Variants in ETV1 observed in about 807,000 individuals in gnomAD.
The protein encoded by ETV1 is ETS variant transcription factor 1, also known as ETS translocation variant 1.
ETV1 carries 27 observed loss-of-function variants against 62.3 expected under a neutral mutation model. The ratio of observed to expected loss-of-function variants is 0.43; its 90% CI spans 0.32 to 0.60. The LOEUF is 0.60. ETV1 is among the 20% of genes least tolerant of loss of function. The pLI is 0.06. For synonymous variants in ETV1, 222 were observed against 199.6 expected (o/e 1.11, Z -0.94); for missense variants, 605 against 605.8 (o/e 1.00, Z 0.01).
chr7:13,972,397 A>C (rs1168762734), intron 6 of ETV1, among the ~76,000 whole-genome samples: 1 of 152,186 alleles, frequency 6.6e-6, no homozygotes, highest in African/African-American at 2.4e-5. Flanking sequence ...ATGCCACTGC[A>C]CTCTAGCCAG....
chr7:13,971,106 G>C (rs1394986512), intron 6 of ETV1, among the ~76,000 whole-genome samples: 1 of 152,096 alleles, frequency 6.6e-6, no homozygotes, highest in East Asian at 1.9e-4. Context: ...TGAGTAGCTG[G>C]GATTACAGGC....
intron 5 of ETV1, among the ~76,000 whole-genome samples, chr7:13,978,328 G>A (rs947012333): frequency 6.6e-6 from 1 of 151,906 alleles, no homozygotes; most frequent in Non-Finnish European, 1.5e-5. Flanking sequence ...AGTTGATTTA[G>A]ACATCGAAGT....
intron 6 of ETV1, among the ~76,000 whole-genome samples, chr7:13,941,548 T>G (rs1056590645): frequency 3.0e-4 from 45 of 152,126 alleles, no homozygotes; most frequent in African/African-American, 1.1e-3. Context: ...ATTTTTTAAA[T>G]GTGAAAAGAA....
chr7:13,932,367 C>T (rs73276803), intron 8 of ETV1, among the ~76,000 whole-genome samples: 3,610 of 152,182 alleles, frequency 0.024, 111 homozygotes, highest in African/African-American at 0.077. Context: ...AAACCCAAGC[C>T]GGTTGTAAAA....
Position 13,895,873 on chromosome 7 carries a change from A to C in ETV1, c.1427T>G (p.Val476Gly), listed in dbSNP as rs1404339912. The change falls in exon 14 of 14, where the codon GTG (valine) becomes GGG (glycine). Residue 476 changes from valine (V) to glycine (G), a missense_variant. This residue lies in a region of ETV1 where 79 missense variants were observed against 71.6 expected (regional missense o/e 1.10). Transcript: ENST00000430479. ...GCTTGACTGTCACTTGTGTTAATAC[A>C]CGTAGCCTTCGTTGTAGGGGTGGGG... ...CNPHPYNEGYVY is the reference protein window; with the variant it reads ...CNPHPYNEGYGY 1 of 1,612,730 alleles carries C rather than the reference A, an allele frequency of 6.2e-7. No individual in the cohort carries two copies. Among genetic ancestry groups the C allele is most frequent in the Non-Finnish European group, 8.5e-7 (1 of 1,179,428 alleles).
chr7:13,955,191 T>A (rs2128476102), intron 6 of ETV1, among the ~76,000 whole-genome samples: 1 of 152,286 alleles, frequency 6.6e-6, no homozygotes, highest in East Asian at 1.9e-4. Flanking sequence ...AAAAATCCCT[T>A]CTGATATTTA....
At chr7:13,903,600 T>C (rs1386585569) in intron 12 of ETV1, among the ~76,000 whole-genome samples, 2 of 151,650 alleles carry the variant, frequency 1.3e-5, no homozygotes, top group East Asian at 2.0e-4. Flanking sequence ...CCGTCCCTAC[T>C]AAAAATACAA....
chr7:13,952,618 T>C (rs1291772967), intron 6 of ETV1, among the ~76,000 whole-genome samples: 1 of 152,164 alleles, frequency 6.6e-6, no homozygotes, highest in African/African-American at 2.4e-5. Flanking sequence ...TTTAAAACAC[T>C]TGATGCTTTA....
chr7:13,990,100 C>G (rs956950622), upstream of ETV1, among the ~76,000 whole-genome samples: 3 of 152,158 alleles, frequency 2.0e-5, no homozygotes, highest in African/African-American at 7.2e-5. Context: ...GCCCTCCCCT[C>G]AGGATCTCCA....
intron 6 of ETV1, among the ~76,000 whole-genome samples, chr7:13,960,134 T>C (rs73070163): frequency 0.063 from 9,633 of 152,152 alleles, 405 homozygotes; most frequent in South Asian, 0.18. Flanking sequence ...TGTTCACCTC[T>C]TAGAGAACAA....
intron 6 of ETV1, among the ~76,000 whole-genome samples, chr7:13,940,422 A>T: frequency 6.6e-6 from 1 of 152,090 alleles, no homozygotes. Flanking sequence ...TTATTCTTCG[A>T]TATGAAACTG....
chr7:13,919,890 C>CAG (rs34895274), intron 9 of ETV1, among the ~76,000 whole-genome samples: 379 of 149,270 alleles, frequency 2.5e-3, no homozygotes, highest in African/African-American at 7.5e-3. Context: ...GACACACACA[C>CAG]AGAGAGAGAG....
rs773216548 is a variant in ETV1 at position 13,895,938 on chromosome 7, A to T, written c.1362T>A (p.Asp454Glu). ...EEDTVPLSHF[D>E]ESMAYMPEGG... ...CTTCCGGCATGTAGGCCATGCTCTCATCAAAGTGAGAAAGAGGCACTGTGT... is the reference window on the plus strand; with the variant it reads ...CTTCCGGCATGTAGGCCATGCTCTCTTCAAAGTGAGAAAGAGGCACTGTGT... The change falls in exon 14 of 14, where the codon GAT becomes GAA. Residue 454 changes from aspartate (D) to glutamate (E), a missense_variant. By Grantham distance (45) the Asp-to-Glu change is conservative. Around this residue, in one of 3 missense-constraint regions of ETV1, gnomAD observed 79 missense variants for 71.6 expected, o/e 1.10. Coordinates refer to ENST00000430479, the MANE Select transcript of ETV1 (RefSeq NM_004956.5). The T allele has an allele frequency of 6.2e-7, 1 of 1,613,784 alleles. No individual in the cohort carries two copies. The highest frequency in any genetic ancestry group is 1.7e-5 in the Admixed American group (1 of 59,992).
At chr7:13,929,807 A>G (rs1785879374) in intron 9 of ETV1, among the ~76,000 whole-genome samples, 1 of 152,116 alleles carries the variant, frequency 6.6e-6, no homozygotes, top group Admixed American at 6.5e-5. Context: ...CAACGGGGCC[A>G]ATTCCCTTCG....
At chr7:13,914,810 G>C (rs1237041186) in intron 9 of ETV1, among the ~76,000 whole-genome samples, 2 of 152,158 alleles carry the variant, frequency 1.3e-5, no homozygotes, top group Non-Finnish European at 2.9e-5. Context: ...TAGCAGAATG[G>C]AGGCTCTCCT....
At chr7:13,961,158 AAAAAAAG>A (rs1157819104) in intron 6 of ETV1, among the ~76,000 whole-genome samples, 1 of 152,074 alleles carries the variant, frequency 6.6e-6, no homozygotes, top group African/African-American at 2.4e-5. Context: ...AAAAAAAAGA[AAAAAAAG>A]AAAAAGAAAA....
chr7:13,898,137 TAACCAACCAAGGGGA>T (rs1782033417), intron 13 of ETV1, among the ~76,000 whole-genome samples: 2 of 152,170 alleles, frequency 1.3e-5, no homozygotes, highest in Non-Finnish European at 2.9e-5. Flanking sequence ...CAAGGGATGA[TAACCAACCAAGGGGA>T]ATGATGTCTT....
In ETV1 at chr7:13,939,207, G is replaced by C; in HGVS notation, c.275C>G (p.Pro92Arg). ...GCTGATTTCTGAACATGGACTGTGGGGTTCTTTCTTGATTTTCAGTGGCAG... is the reference window on the plus strand; with the variant it reads ...GCTGATTTCTGAACATGGACTGTGGCGTTCTTTCTTGATTTTCAGTGGCAG... The part of the protein sequence containing the change: ...HGLPLKIKKE[P>R]HSPCSEISSA... Residue 92 changes from proline (P) to arginine (R), a missense_variant, in exon 7 of 14, where the codon CCC becomes CGC. This residue lies in a region of ETV1 where 426 missense variants were observed against 377.8 expected (regional missense o/e 1.13). Coordinates refer to ENST00000430479, the MANE Select transcript of ETV1 (RefSeq NM_004956.5). The C allele has an allele frequency of 6.2e-7, 1 of 1,609,144 alleles. No individual in the cohort carries two copies. Among genetic ancestry groups the C allele is most frequent in the Non-Finnish European group, 8.5e-7 (1 of 1,178,886 alleles).
At chr7:13,986,059 T>TGG in intron 5 of ETV1, 1 of 1,282,968 alleles carries the variant, frequency 7.8e-7, no homozygotes, top group Non-Finnish European at 1.1e-6. Context: ...ATTTTTAAAA[T>TGG]CCTCATATCT....
Sources: gnomAD v4.1 joint callset for allele counts (sites outside exome capture counted in the v4.1 genomes callset) on GRCh38, gnomAD v4.1.1 for gene constraint, gnomAD v4.1.1 regional missense constraint, MANE v1.5 for transcripts, NCBI Gene and HGNC (gene_info 2026-07-23, HGNC 2026-07-21) for gene names.